ST6GALNAC3: variants seen among roughly 807,000 people sequenced by gnomAD.
ST6GALNAC3 encodes the protein ST6 N-acetylgalactosaminide alpha-2,6-sialyltransferase 3, also known as alpha-N-acetylgalactosaminide alpha-2,6-sialyltransferase 3.
A neutral mutation model predicts 32.7 loss-of-function variants in ST6GALNAC3; 25 were observed. The ratio of observed to expected loss-of-function variants is 0.76; its 90% CI spans 0.56 to 1.07. ST6GALNAC3 has a LOEUF of 1.07. Ranked by LOEUF, ST6GALNAC3 falls within the 50% of genes least tolerant of loss-of-function variation. The probability of loss-of-function intolerance (pLI) is 0.00; values close to 1 mark genes in which losing one functional copy is unlikely to be tolerated. For synonymous variants in ST6GALNAC3, 129 were observed against 133.1 expected, an observed-to-expected ratio of 0.97 and a Z score of 0.21; for missense variants, 355 against 382.4, an observed-to-expected ratio of 0.93 and a Z score of 0.60.
At chr1:76,617,084 C>T (rs1648344832) in intron 3 of ST6GALNAC3, among the ~76,000 whole-genome samples, 1 of 152,094 alleles carries the variant, frequency 6.6e-6, no homozygotes, top group Admixed American at 6.5e-5. Flanking sequence ...TCAAATCATT[C>T]TTAAATACTT....
At chr1:76,169,767 CA>C (rs1357050690) in intron 1 of ST6GALNAC3, among the ~76,000 whole-genome samples, 1 of 152,152 alleles carries the variant, frequency 6.6e-6, no homozygotes, top group East Asian at 1.9e-4. Flanking sequence ...CTTGTGTTTG[CA>C]TTATGAAATT....
intron 2 of ST6GALNAC3, among the ~76,000 whole-genome samples, chr1:76,360,745 T>C (rs996465837): frequency 1.3e-5 from 2 of 152,208 alleles, no homozygotes; most frequent in African/African-American, 2.4e-5. Flanking sequence ...TGTTCATACA[T>C]AATAAGTAGG....
chr1:76,467,742 A>C (rs1658736408), intron 3 of ST6GALNAC3, among the ~76,000 whole-genome samples: 1 of 152,086 alleles, frequency 6.6e-6, no homozygotes, highest in Admixed American at 6.6e-5. Context: ...GCATTACTAA[A>C]ATAATTAGGA....
intron 3 of ST6GALNAC3, among the ~76,000 whole-genome samples, chr1:76,536,100 C>A (rs2101834528): frequency 1.3e-5 from 2 of 152,144 alleles, no homozygotes; most frequent in East Asian, 1.9e-4. Context: ...ACTGGAGACT[C>A]CATATAAGCT....
At chr1:76,205,439 A>G (rs949618539) in intron 1 of ST6GALNAC3, among the ~76,000 whole-genome samples, 1 of 152,068 alleles carries the variant, frequency 6.6e-6, no homozygotes, top group South Asian at 2.1e-4. Context: ...CTGATTCATC[A>G]TTCCCTACAG....
chr1:76,609,636 A>G (rs546810497), intron 3 of ST6GALNAC3, among the ~76,000 whole-genome samples: 166 of 152,252 alleles, frequency 1.1e-3, no homozygotes, highest in Middle Eastern at 3.4e-3. Flanking sequence ...TTATTGTCTG[A>G]TCAAATCATT....
At chr1:76,596,564 T>C (rs1398513889) in intron 3 of ST6GALNAC3, among the ~76,000 whole-genome samples, 11 of 152,238 alleles carry the variant, frequency 7.2e-5, no homozygotes, top group Admixed American at 2.6e-4. Flanking sequence ...TATTCTGATC[T>C]TCGTCAGAAA....
chr1:76,308,437 G>A (rs1024223706), intron 1 of ST6GALNAC3, among the ~76,000 whole-genome samples: 4 of 152,068 alleles, frequency 2.6e-5, no homozygotes, highest in South Asian at 4.2e-4. Context: ...TTGTTGAGCC[G>A]AGTGTCATAC....
At chr1:76,635,088 T>C (rs1273389130), downstream of ST6GALNAC3, among the ~76,000 whole-genome samples, 1 of 152,202 alleles carries the variant, frequency 6.6e-6, no homozygotes, top group African/African-American at 2.4e-5. Context: ...TATCTGATGC[T>C]GACATATATT....
intron 3 of ST6GALNAC3, among the ~76,000 whole-genome samples, chr1:76,589,905 A>G (rs1004057309): frequency 1.3e-5 from 2 of 151,778 alleles, no homozygotes; most frequent in African/African-American, 4.8e-5. Flanking sequence ...TCGTCCTTAC[A>G]TTCTCCCTGA....
chr1:76,114,942 A>G (rs571342217), intron 1 of ST6GALNAC3, among the ~76,000 whole-genome samples: 1 of 150,576 alleles, frequency 6.6e-6, no homozygotes, highest in East Asian at 1.9e-4. Flanking sequence ...AAAGAAAAAG[A>G]AAAAAAAGGT....
intron 1 of ST6GALNAC3, among the ~76,000 whole-genome samples, chr1:76,196,803 T>C (rs535575024): frequency 6.6e-6 from 1 of 152,304 alleles, no homozygotes; most frequent in Admixed American, 6.5e-5. Context: ...GATTCTAAGA[T>C]GCAAGGTTTG....
At chr1:76,497,031 T>A (rs1660891959) in intron 3 of ST6GALNAC3, among the ~76,000 whole-genome samples, 1 of 152,226 alleles carries the variant, frequency 6.6e-6, no homozygotes, top group Non-Finnish European at 1.5e-5. Context: ...TAGAAGGATT[T>A]GTTTTTAACA....
At chr1:76,349,947 A>G (rs1557811840) in intron 2 of ST6GALNAC3, among the ~76,000 whole-genome samples, 1 of 152,146 alleles carries the variant, frequency 6.6e-6, no homozygotes. Context: ...CTAGTGTTCT[A>G]TTCTATAGAT....
intron 3 of ST6GALNAC3, among the ~76,000 whole-genome samples, chr1:76,420,422 A>G (rs1198505371): frequency 6.6e-6 from 1 of 152,126 alleles, no homozygotes; most frequent in Non-Finnish European, 1.5e-5. Context: ...TAAGAATTCA[A>G]CTGGAGACTT....
chr1:76,089,314 A>G (rs1451703842), intron 1 of ST6GALNAC3, among the ~76,000 whole-genome samples: 1 of 152,074 alleles, frequency 6.6e-6, no homozygotes, highest in East Asian at 1.9e-4. Context: ...GCCTCCCAAA[A>G]TGCTGGGATT....
At chr1:76,386,850 A>G (rs1652133753) in intron 2 of ST6GALNAC3, among the ~76,000 whole-genome samples, 1 of 152,212 alleles carries the variant, frequency 6.6e-6, no homozygotes, top group African/African-American at 2.4e-5. Context: ...TTATCTTTTC[A>G]GATATGATAG....
intron 2 of ST6GALNAC3, among the ~76,000 whole-genome samples, chr1:76,397,455 C>T (rs1031113770): frequency 3.3e-5 from 5 of 151,066 alleles, no homozygotes; most frequent in East Asian, 3.9e-4. Context: ...CTGCAACCTC[C>T]GCCTCCTTGG....
chr1:76,113,991 A>AT (rs754290749), intron 1 of ST6GALNAC3, among the ~76,000 whole-genome samples: 9,277 of 124,942 alleles, frequency 0.074, 501 homozygotes, highest in African/African-American at 0.16. Context: ...CGCCCGGCTA[A>AT]TTTTTTTTTT....
Sources: gnomAD v4.1 joint callset for allele counts (sites outside exome capture counted in the v4.1 genomes callset) on GRCh38, gnomAD v4.1.1 for gene constraint, MANE v1.5 for transcripts, NCBI Gene and HGNC (gene_info 2026-07-23, HGNC 2026-07-21) for gene names.